PELI2: variants seen among roughly 807,000 people sequenced by gnomAD.
The protein encoded by PELI2 is pellino E3 ubiquitin protein ligase family member 2, also known as E3 ubiquitin-protein ligase pellino homolog 2.
In PELI2, 23 loss-of-function variants were observed where a neutral mutation model predicts 42.3. That is an observed-to-expected ratio of 0.54 (90% confidence interval 0.39 to 0.77). PELI2 has a LOEUF of 0.77. Ranked by LOEUF, PELI2 falls within the 30% of genes least tolerant of loss-of-function variation. The probability of loss-of-function intolerance (pLI) is 0.00; values close to 1 mark genes in which losing one functional copy is unlikely to be tolerated. For synonymous variants in PELI2, 245 were observed against 212.2 expected (o/e 1.15, Z -1.34); for missense variants, 463 against 553.2 (o/e 0.84, Z 1.64).
intron 1 of PELI2, 24 bp from the exon 2 acceptor site, chr14:56,178,311 G>T: frequency 6.2e-7 from 1 of 1,611,966 alleles, no homozygotes; most frequent in Non-Finnish European, 8.5e-7. Context: ...GCAGATAGAT[G>T]AACTCTTTCC....
chr14:56,156,905 C>A (rs902250076), intron 1 of PELI2, among the ~76,000 whole-genome samples: 5 of 152,116 alleles, frequency 3.3e-5, no homozygotes, highest in African/African-American at 1.2e-4. Flanking sequence ...TTACATTTCA[C>A]GAATTTGTAA....
chr14:56,296,631 G>A lies in PELI2; in HGVS notation c.728G>A (p.Gly243Asp). The change falls in exon 6 of 6, where the codon GGC (glycine) becomes GAC (aspartate). Residue 243 changes from glycine (G) to aspartate (D), a missense_variant. Coordinates refer to ENST00000267460, the MANE Select transcript of PELI2 (RefSeq NM_021255.3). ...AGTGAGACCAACGTCCTGCAGGACG[G>A]CTCCCTCATTGACCTGTGTGGGGCC... ...VESETNVLQD[G>D]SLIDLCGATL... 1.2e-6 allele frequency: 2 copies of A among 1,610,152 alleles called. No homozygotes were observed. Among genetic ancestry groups the A allele is most frequent in the Non-Finnish European group, 1.7e-6 (2 of 1,177,076 alleles).
At chr14:56,261,860 A>G (rs1389871037) in intron 2 of PELI2, among the ~76,000 whole-genome samples, 3 of 152,334 alleles carry the variant, frequency 2.0e-5, no homozygotes, top group African/African-American at 7.2e-5. Context: ...GTATCCATGT[A>G]GGAGATTTTA....
At chr14:56,120,667 AAC>A (rs2139569749) in intron 1 of PELI2, among the ~76,000 whole-genome samples, 1 of 152,326 alleles carries the variant, frequency 6.6e-6, no homozygotes. Flanking sequence ...GAGAACAGGG[AAC>A]TTTCCTTTTA....
intron 2 of PELI2, among the ~76,000 whole-genome samples, chr14:56,257,320 A>C (rs1299581615): frequency 6.6e-6 from 1 of 152,208 alleles, no homozygotes; most frequent in African/African-American, 2.4e-5. Context: ...AAGTAAAATA[A>C]ACAACAACTA....
chr14:56,196,650 TA>T (rs922137516), intron 2 of PELI2, among the ~76,000 whole-genome samples: 1 of 152,228 alleles, frequency 6.6e-6, no homozygotes, highest in African/African-American at 2.4e-5. Flanking sequence ...TCATAATCTT[TA>T]AAAAATATTT....
intron 2 of PELI2, among the ~76,000 whole-genome samples, chr14:56,278,541 A>G (rs1015360573): frequency 6.6e-6 from 1 of 152,230 alleles, no homozygotes; most frequent in African/African-American, 2.4e-5. Flanking sequence ...AAGAAGTATT[A>G]TCTTAAGGAA....
chr14:56,155,725 G>T (rs1052228496), intron 1 of PELI2, among the ~76,000 whole-genome samples: 1 of 150,854 alleles, frequency 6.6e-6, no homozygotes, highest in Admixed American at 6.7e-5. Context: ...GGCACTACAG[G>T]CGCTCGCCAC....
intron 2 of PELI2, among the ~76,000 whole-genome samples, chr14:56,245,735 C>T (rs1356657662): frequency 6.6e-6 from 1 of 152,064 alleles, no homozygotes; most frequent in Non-Finnish European, 1.5e-5. Flanking sequence ...AACTGAGGAT[C>T]ACAAATATTT....
chr14:56,212,667 A>C (rs951005285), intron 2 of PELI2, among the ~76,000 whole-genome samples: 2 of 152,234 alleles, frequency 1.3e-5, no homozygotes, highest in Non-Finnish European at 2.9e-5. Context: ...TGGCAGCTGC[A>C]CTGCCAAGCT....
intron 2 of PELI2, among the ~76,000 whole-genome samples, chr14:56,187,018 G>A (rs1307665774): frequency 6.6e-6 from 1 of 152,060 alleles, no homozygotes; most frequent in East Asian, 1.9e-4. Context: ...AAAGTTCGAA[G>A]GAACTTTATT....
At chr14:56,247,730 T>A (rs1357521712) in intron 2 of PELI2, among the ~76,000 whole-genome samples, 1 of 152,232 alleles carries the variant, frequency 6.6e-6, no homozygotes, top group Non-Finnish European at 1.5e-5. Flanking sequence ...GTATAATCAT[T>A]CACCCAGGTA....
chr14:56,293,112 T>C (rs933090060), intron 5 of PELI2, among the ~76,000 whole-genome samples: 1 of 152,172 alleles, frequency 6.6e-6, no homozygotes, highest in Non-Finnish European at 1.5e-5. Flanking sequence ...TCAGTGTTGT[T>C]ATTGTGTCCG....
chr14:56,282,976 AC>A (rs1289043436), intron 3 of PELI2, among the ~76,000 whole-genome samples: 1 of 152,196 alleles, frequency 6.6e-6, no homozygotes, highest in Non-Finnish European at 1.5e-5. Flanking sequence ...TGTCAGTGAT[AC>A]TTTTTTACCA....
intron 1 of PELI2, among the ~76,000 whole-genome samples, chr14:56,120,385 C>A (rs970026802): frequency 2.0e-5 from 3 of 152,132 alleles, no homozygotes; most frequent in Non-Finnish European, 4.4e-5. Context: ...AGAAAAGCAG[C>A]GAGTGGGCCT....
chr14:56,293,790 T>TA (rs1210334427), intron 5 of PELI2, among the ~76,000 whole-genome samples: 3 of 151,932 alleles, frequency 2.0e-5, no homozygotes, highest in Admixed American at 2.0e-4. Context: ...ATGTGGAAAA[T>TA]AAAAAACCAT....
At chr14:56,218,201 A>G (rs910927348) in intron 2 of PELI2, among the ~76,000 whole-genome samples, 2 of 152,230 alleles carry the variant, frequency 1.3e-5, no homozygotes, top group African/African-American at 4.8e-5. Flanking sequence ...GTTGTGATCT[A>G]TCATTGTTTT....
chr14:56,203,154 T>C (rs1405192119), intron 2 of PELI2, among the ~76,000 whole-genome samples: 2 of 152,146 alleles, frequency 1.3e-5, no homozygotes, highest in Non-Finnish European at 2.9e-5. Flanking sequence ...CTGGCCAACA[T>C]GCTGAAATCC....
At chr14:56,190,942 A>G (rs1252511059) in intron 2 of PELI2, among the ~76,000 whole-genome samples, 2 of 152,232 alleles carry the variant, frequency 1.3e-5, no homozygotes, top group African/African-American at 4.8e-5. Context: ...TCACTTAGAA[A>G]ATTGGTTAGT....
Sources: allele counts gnomAD v4.1 joint callset (sites outside exome capture counted in the v4.1 genomes callset), GRCh38; gene constraint gnomAD v4.1.1; transcripts MANE v1.5; gene names NCBI Gene and HGNC (gene_info 2026-07-23, HGNC 2026-07-21).